The following DPY19L3 variants were observed in gnomAD, a reference collection of about 807,000 sequenced individuals.
The protein encoded by DPY19L3 is dpy-19 like C-mannosyltransferase 3.
DPY19L3 carries 51 observed loss-of-function variants against 92.3 expected under a neutral mutation model. The observed-to-expected ratio is 0.55, with a 90% CI of 0.44 to 0.70. DPY19L3 has a LOEUF of 0.70. Among genes scored for constraint, DPY19L3 ranks in the 30% least tolerant of loss-of-function variants. The probability of loss-of-function intolerance (pLI) is 0.00; values close to 1 mark genes in which losing one functional copy is unlikely to be tolerated. For synonymous variants in DPY19L3, 309 were observed against 315.2 expected (o/e 0.98, Z 0.21); for missense variants, 706 against 855.9 (o/e 0.82, Z 2.18).
At chr19:32,453,641 G>C (rs1969776885) in intron 9 of DPY19L3, among the ~76,000 whole-genome samples, 1 of 152,024 alleles carries the variant, frequency 6.6e-6, no homozygotes, top group Admixed American at 6.5e-5. Context: ...TTGGGAGCGT[G>C]TTCATTACAG....
intron 8 of DPY19L3, among the ~76,000 whole-genome samples, chr19:32,442,933 C>T (rs1260813574): frequency 2.0e-5 from 3 of 152,184 alleles, no homozygotes; most frequent in Admixed American, 6.5e-5. Flanking sequence ...TTCACCATCT[C>T]CCAGAGACAT....
chr19:32,466,172 C>T (rs73036032), intron 15 of DPY19L3, among the ~76,000 whole-genome samples: 2,178 of 152,090 alleles, frequency 0.014, 28 homozygotes, highest in Non-Finnish European at 0.021. Flanking sequence ...GTGTTTTGTT[C>T]GTAATAAAAT....
chr19:32,412,142 T>C (rs561946130), intron 3 of DPY19L3: 2 of 152,292 alleles, frequency 1.3e-5, no homozygotes, highest in East Asian at 1.9e-4. Context: ...TTCCAAAATA[T>C]GAGAATGAGC....
intron 8 of DPY19L3, among the ~76,000 whole-genome samples, chr19:32,450,587 G>A (rs1969667492): frequency 6.6e-6 from 1 of 152,274 alleles, no homozygotes; most frequent in South Asian, 2.1e-4. Flanking sequence ...TGAAACTTGA[G>A]AACACCATGC....
At chr19:32,471,839 A>ACTTC (rs1460111954) in intron 16 of DPY19L3, among the ~76,000 whole-genome samples, 1 of 152,214 alleles carries the variant, frequency 6.6e-6, no homozygotes, top group East Asian at 1.9e-4. Flanking sequence ...ACTTAACATG[A>ACTTC]GAAGGGTCAT....
chr19:32,427,453 G>A (rs947325070), intron 3 of DPY19L3, among the ~76,000 whole-genome samples: 8 of 152,046 alleles, frequency 5.3e-5, no homozygotes, highest in Middle Eastern at 6.8e-3. Context: ...TTTTTTCCTT[G>A]TGCTAACATT....
intron 3 of DPY19L3, among the ~76,000 whole-genome samples, chr19:32,430,639 G>A (rs1411752545): frequency 2.0e-5 from 3 of 151,778 alleles, no homozygotes; most frequent in East Asian, 3.9e-4. Context: ...TTTATTTTTT[G>A]AGGCAGGGTC....
At chr19:32,463,082 G>GTT (rs5827799) in intron 12 of DPY19L3, among the ~76,000 whole-genome samples, 2,443 of 148,576 alleles carry the variant, frequency 0.016, 51 homozygotes, top group African/African-American at 0.052. Context: ...AAAAATTTGA[G>GTT]TTTTTTTTTT....
chr19:32,428,478 C>T (rs904156997), intron 3 of DPY19L3, among the ~76,000 whole-genome samples: 8 of 151,958 alleles, frequency 5.3e-5, no homozygotes, highest in Non-Finnish European at 1.2e-4. Context: ...AGCCAAGGAG[C>T]GGATTGGGGT....
intron 10 of DPY19L3, among the ~76,000 whole-genome samples, chr19:32,456,626 A>G (rs1969874633): frequency 6.7e-6 from 1 of 148,286 alleles, no homozygotes; most frequent in African/African-American, 2.5e-5. Flanking sequence ...TAGAGATGGG[A>G]TCTTGTCATG....
intron 3 of DPY19L3, chr19:32,413,003 CTCTT>C (rs1012714642): frequency 1.3e-5 from 2 of 152,000 alleles, no homozygotes; most frequent in Admixed American, 1.3e-4. Flanking sequence ...CTTTCTCTCT[CTCTT>C]TTTCAACATT....
At chr19:32,447,798 C>T (rs1438938336) in intron 8 of DPY19L3, among the ~76,000 whole-genome samples, 1 of 97,138 alleles carries the variant, frequency 1.0e-5, no homozygotes, top group Non-Finnish European at 2.0e-5. Flanking sequence ...TACTCCATCT[C>T]ATTCATAGAT....
intron 3 of DPY19L3, among the ~76,000 whole-genome samples, chr19:32,422,443 G>A (rs149195331): frequency 1.3e-3 from 201 of 152,282 alleles, no homozygotes; most frequent in African/African-American, 4.6e-3. Context: ...GCAACATACA[G>A]GAGACTGGAA....
At position 32,485,275 on chromosome 19, in the gene DPY19L3, G is replaced by T. The variant is rs1970768275; in HGVS notation, c.*3035G>T. 1 of 152,152 alleles carries T rather than the reference G, an allele frequency of 6.6e-6. No individual in the cohort carries two copies. Among genetic ancestry groups the T allele is most frequent in the South Asian group, 2.1e-4 (1 of 4,834 alleles). 9.4% of individuals were successfully genotyped at this position (152,152 alleles called of 1,614,324 possible). On this transcript the variant is annotated 3_prime_UTR_variant, in exon 19 of 19. Transcript: ENST00000392250. ...CTAATCACTTTCATTACAGGCATTTGAAAAATAGGGATTCATTTCGAATAT... is the reference window on the plus strand; with the variant it reads ...CTAATCACTTTCATTACAGGCATTTTAAAAATAGGGATTCATTTCGAATAT...
Position 32,432,790 on chromosome 19 carries a change from TC to T in DPY19L3, c.314del (p.Pro105GlnfsTer10). On this transcript the variant is annotated frameshift_variant, in exon 4 of 19. Coordinates refer to ENST00000392250, the MANE Select transcript of DPY19L3 (RefSeq NM_001172774.2). LOFTEE classifies it high-confidence loss of function. ...CCTACTACAAGCAGATGCTGCAGGC[TC>T]CAACCCTCGTGCAAGGTAATTACAA... The part of the protein sequence containing the change: ...YSYYKQMLQA[P>X]TLVQGFHGLI... 1 of 1,613,874 alleles carries T rather than the reference TC, an allele frequency of 6.2e-7. No homozygotes were observed. Among genetic ancestry groups the T allele is most frequent in the Non-Finnish European group, 8.5e-7 (1 of 1,179,880 alleles).
intron 3 of DPY19L3, among the ~76,000 whole-genome samples, chr19:32,424,047 G>A (rs1968671944): frequency 6.6e-6 from 1 of 151,710 alleles, no homozygotes; most frequent in Non-Finnish European, 1.5e-5. Context: ...CTGGCACAGT[G>A]GCTCACAGCT....
chr19:32,418,958 T>C (rs1438426154), intron 3 of DPY19L3, among the ~76,000 whole-genome samples: 1 of 152,154 alleles, frequency 6.6e-6, no homozygotes, highest in East Asian at 1.9e-4. Flanking sequence ...TGGTTTCATA[T>C]AGTAGTATAA....
intron 3 of DPY19L3, among the ~76,000 whole-genome samples, chr19:32,418,386 A>G (rs1968448367): frequency 6.6e-6 from 1 of 152,242 alleles, no homozygotes; most frequent in African/African-American, 2.4e-5. Flanking sequence ...ATTGTCCAAT[A>G]GGACTATAAT....
chr19:32,467,695 A>G (rs1358291762), intron 15 of DPY19L3: 1 of 987,446 alleles, frequency 1.0e-6, no homozygotes, highest in Non-Finnish European at 1.2e-6. Context: ...TGGAGCATAC[A>G]TACATTGTCA....
Sources: allele counts gnomAD v4.1 joint callset (sites outside exome capture counted in the v4.1 genomes callset), GRCh38; gene constraint gnomAD v4.1.1; transcripts MANE v1.5; gene names NCBI Gene and HGNC (gene_info 2026-07-23, HGNC 2026-07-21).